KLHL15: variants seen among roughly 807,000 people sequenced by gnomAD.
KLHL15 encodes kelch like family member 15.
KLHL15 carries 1 observed loss-of-function variant against 29.3 expected under a neutral mutation model. The ratio of observed to expected loss-of-function variants is 0.03; its 90% CI spans 0.01 to 0.16. KLHL15 has a LOEUF of 0.16. KLHL15 is among the 10% of genes least tolerant of loss of function. The pLI, the probability that KLHL15 is intolerant of heterozygous loss-of-function variation, is 1.00. For missense variants in KLHL15, 215 were observed against 478.5 expected, an observed-to-expected ratio of 0.45 and a Z score of 5.14; for synonymous variants, 212 against 184.5, an observed-to-expected ratio of 1.15 and a Z score of -1.21.
intron 2 of KLHL15, among the ~76,000 whole-genome samples, chrX:24,012,742 G>T (rs1173777037): frequency 9.0e-6 from 1 of 111,085 alleles, no homozygotes; most frequent in Non-Finnish European, 1.9e-5. Context: ...TAAACAACCA[G>T]TTCTGCCCCC....
chrX:24,008,454 G>C (rs754172767), intron 2 of KLHL15, among the ~76,000 whole-genome samples: 3 of 112,261 alleles, frequency 2.7e-5, no homozygotes, highest in Non-Finnish European at 3.8e-5. Context: ...GGCTAGGCTG[G>C]TCTAAAACTC....
chrX:23,995,861 T>C (rs746668558), intron 3 of KLHL15, among the ~76,000 whole-genome samples: 1 of 111,868 alleles, frequency 8.9e-6, no homozygotes, highest in East Asian at 2.8e-4. Context: ...GTGATTCTCC[T>C]GCCTGTCTCC....
At chrX:24,004,551 G>A (rs1929405649) in intron 3 of KLHL15, among the ~76,000 whole-genome samples, 1 of 111,480 alleles carries the variant, frequency 9.0e-6, no homozygotes, top group African/African-American at 3.3e-5. Context: ...CCAGCACTTT[G>A]GGAGGCCAAG....
chrX:24,005,093 T>C (rs1224905973), intron 3 of KLHL15, among the ~76,000 whole-genome samples: 1 of 111,746 alleles, frequency 8.9e-6, no homozygotes, highest in Non-Finnish European at 1.9e-5. Context: ...GTGTGCTTTC[T>C]AGAAAAAAGA....
chrX:24,004,264 G>T (rs1256721234), intron 3 of KLHL15, among the ~76,000 whole-genome samples: 1 of 111,353 alleles, frequency 9.0e-6, no homozygotes, highest in East Asian at 2.8e-4. Flanking sequence ...GCTGAGGCAT[G>T]AGAATTGCTG....
intron 3 of KLHL15, among the ~76,000 whole-genome samples, chrX:23,993,611 C>T (rs763677978): frequency 9.0e-6 from 1 of 110,886 alleles, no homozygotes; most frequent in African/African-American, 3.3e-5. Context: ...ACTGGAAGTT[C>T]AGTTTTTATC....
chrX:23,999,342 TC>T (rs1468876172), intron 3 of KLHL15, among the ~76,000 whole-genome samples: 1 of 106,826 alleles, frequency 9.4e-6, no homozygotes, highest in Non-Finnish European at 1.9e-5. Flanking sequence ...ATGCCTGTAA[TC>T]CCAGCACTTT....
intron 2 of KLHL15, among the ~76,000 whole-genome samples, chrX:24,019,187 C>T (rs1929753544): frequency 1.8e-5 from 2 of 111,854 alleles, no homozygotes; most frequent in African/African-American, 6.5e-5. Flanking sequence ...CTCTTTTCAC[C>T]AAGTTCTTAA....
At chrX:23,990,933 T>A (rs1431729513) in intron 3 of KLHL15, among the ~76,000 whole-genome samples, 1 of 111,561 alleles carries the variant, frequency 9.0e-6, no homozygotes, top group Non-Finnish European at 1.9e-5. Context: ...TCCTTTGTAA[T>A]GTCAGGCATT....
intron 2 of KLHL15, among the ~76,000 whole-genome samples, chrX:24,008,889 C>CAA (rs1171150015): frequency 1.1e-5 from 1 of 88,362 alleles, no homozygotes; most frequent in African/African-American, 5.1e-5. Flanking sequence ...AAAAACAAAA[C>CAA]AAAAAAAAAA....
chrX:24,002,462 A>G (rs1468165076), intron 3 of KLHL15, among the ~76,000 whole-genome samples: 5 of 112,303 alleles, frequency 4.5e-5, no homozygotes, highest in Non-Finnish European at 5.6e-5. Context: ...AAATCCTTAA[A>G]TAACTATGTC....
At chrX:24,020,405 ATTTG>A (rs1403279246) in intron 2 of KLHL15, among the ~76,000 whole-genome samples, 1 of 111,907 alleles carries the variant, frequency 8.9e-6, no homozygotes, top group African/African-American at 3.3e-5. Flanking sequence ...GTTAACTTTA[ATTTG>A]TTTAATACTG....
intron 2 of KLHL15, 147 bp downstream of exon 2, chrX:24,024,710 A>C (rs750894875): frequency 1.9e-4 from 55 of 295,387 alleles, no homozygotes; most frequent in Non-Finnish European, 2.9e-4. Context: ...CAAACAATTT[A>C]AGTAAACTCG....
Position 23,987,874 on chromosome X carries a change from G to A in KLHL15, c.*47C>T, listed in dbSNP as rs1929013180. The stretch of plus-strand genomic sequence containing the variant: ...TATATGTTTTAATTAATTACTCTGT[G>A]CAAACAAATACTTTGTTTGCCTCTT... On this transcript the variant is annotated 3_prime_UTR_variant, in exon 4 of 4. Coordinates refer to ENST00000328046, the MANE Select transcript of KLHL15 (RefSeq NM_030624.3). 4 of 1,110,366 alleles carry A rather than the reference G, an allele frequency of 3.6e-6. No individual in the cohort carries two copies. The highest frequency in any genetic ancestry group is 1.8e-5 in the African/African-American group (1 of 54,773). 91.5% of individuals were successfully genotyped at this position (1,110,366 alleles called of 1,213,427 possible).
chrX:23,999,374 T>C (rs1929260896), intron 3 of KLHL15, among the ~76,000 whole-genome samples: 1 of 108,829 alleles, frequency 9.2e-6, no homozygotes, highest in African/African-American at 3.3e-5. Flanking sequence ...GGCAGACGGA[T>C]CACGAGGTCA....
intron 3 of KLHL15, among the ~76,000 whole-genome samples, chrX:24,000,713 G>C (rs963645049): frequency 9.0e-6 from 1 of 111,644 alleles, no homozygotes; most frequent in Non-Finnish European, 1.9e-5. Context: ...TGGTTTCCTG[G>C]ACAGAAATTT....
Position 24,006,585 on chromosome X carries a change from T to C in KLHL15, c.109A>G (p.Ile37Val), listed in dbSNP as rs1263976152. ...TGGGCCTGGAACTGATGATCTTCAA[T>C]AACCAGAGTGACATCAAGAAGCAAT... is the stretch of plus-strand genomic sequence containing the variant. ...EGLLLDVTLVIEDHQFQAHKA... is the reference protein window; with the variant it reads ...EGLLLDVTLVVEDHQFQAHKA... Residue 37 changes from isoleucine (I) to valine (V), a missense_variant, in exon 3 of 4, where the codon ATT becomes GTT. Coordinates refer to ENST00000328046, the MANE Select transcript of KLHL15 (RefSeq NM_030624.3). 8.3e-7 allele frequency: 1 copy of C among 1,210,986 alleles called. No homozygotes were observed.
At chrX:23,994,905 G>A (rs1195945384) in intron 3 of KLHL15, among the ~76,000 whole-genome samples, 1 of 111,189 alleles carries the variant, frequency 9.0e-6, no homozygotes, top group Non-Finnish European at 1.9e-5. Flanking sequence ...TTAAAATCCT[G>A]AGCTGAAGTG....
intron 2 of KLHL15, among the ~76,000 whole-genome samples, chrX:24,021,562 TAA>T (rs1484011608): frequency 8.9e-6 from 1 of 112,542 alleles, no homozygotes; most frequent in Non-Finnish European, 1.9e-5. Context: ...CTCCAGCACC[TAA>T]AACAGTGCTT....
Sources: allele counts gnomAD v4.1 joint callset (sites outside exome capture counted in the v4.1 genomes callset), GRCh38; gene constraint gnomAD v4.1.1; transcripts MANE v1.5; gene names NCBI Gene and HGNC (gene_info 2026-07-23, HGNC 2026-07-21).